ADD3: variants seen among roughly 807,000 people sequenced by gnomAD.
The protein encoded by ADD3 is adducin 3.
ADD3 carries 25 observed loss-of-function variants against 80.2 expected under a neutral mutation model. The observed-to-expected ratio is 0.31, with a 90% CI of 0.23 to 0.44. The LOEUF (loss-of-function observed/expected upper bound fraction) is 0.44, where lower values mean the gene tolerates loss of function less well. Ranked by LOEUF, ADD3 falls within the 20% of genes least tolerant of loss-of-function variation. ADD3 has a pLI of 1.00. For missense variants in ADD3, 829 were observed against 847.5 expected (o/e 0.98, Z 0.27); for synonymous variants, 284 against 289.6 (o/e 0.98, Z 0.20).
chr10:110,002,187 G>A (rs574644671), upstream of ADD3, among the ~76,000 whole-genome samples: 2 of 152,182 alleles, frequency 1.3e-5, no homozygotes, highest in East Asian at 3.9e-4. Context: ...AGCTACTCAG[G>A]AGGCTGAGGC....
chr10:110,126,714 T>C (rs1018715372), intron 12 of ADD3, among the ~76,000 whole-genome samples: 9 of 152,220 alleles, frequency 5.9e-5, no homozygotes, highest in African/African-American at 2.2e-4. Flanking sequence ...CTTTGGTGTT[T>C]CTGGTTAGTT....
At chr10:110,039,616 T>C (rs1034884465) in intron 1 of ADD3, among the ~76,000 whole-genome samples, 3 of 152,248 alleles carry the variant, frequency 2.0e-5, no homozygotes, top group African/African-American at 7.2e-5. Flanking sequence ...TATCTATTGC[T>C]ACATAACAAA....
intron 1 of ADD3, among the ~76,000 whole-genome samples, chr10:110,051,728 C>T (rs1176138346): frequency 1.3e-5 from 2 of 152,330 alleles, no homozygotes; most frequent in East Asian, 1.9e-4. Context: ...AAAAGTAGTT[C>T]TTTCTAGGAA....
chr10:110,007,671 G>A (rs1479904253), upstream of ADD3, among the ~76,000 whole-genome samples: 3 of 152,112 alleles, frequency 2.0e-5, no homozygotes, highest in African/African-American at 7.2e-5. Context: ...CCCGGCTGCC[G>A]GGCCTGCAGG....
At chr10:110,041,208 G>C (rs959834409) in intron 1 of ADD3, among the ~76,000 whole-genome samples, 2 of 152,226 alleles carry the variant, frequency 1.3e-5, no homozygotes, top group African/African-American at 4.8e-5. Context: ...GCACAAGCTA[G>C]AAGTTTGACA....
intron 8 of ADD3, among the ~76,000 whole-genome samples, chr10:110,120,841 C>A (rs1460188041): frequency 6.6e-6 from 1 of 152,054 alleles, no homozygotes; most frequent in Non-Finnish European, 1.5e-5. Context: ...TCAGAAATAA[C>A]GCCACATACC....
chr10:110,098,277 G>A (rs1848411972), intron 1 of ADD3, among the ~76,000 whole-genome samples: 1 of 152,156 alleles, frequency 6.6e-6, no homozygotes, highest in Non-Finnish European at 1.5e-5. Context: ...GAGTTGGATG[G>A]CTAAGGGACT....
chr10:110,008,356 C>A (rs1267068898), intron 1 of ADD3, 57 bp downstream of exon 1: 1 of 152,392 alleles, frequency 6.6e-6, no homozygotes, highest in African/African-American at 2.4e-5. Context: ...GGCCGGGACG[C>A]GGGCACCCGC....
At chr10:110,013,081 G>A (rs369676434) in intron 1 of ADD3, among the ~76,000 whole-genome samples, 29 of 152,132 alleles carry the variant, frequency 1.9e-4, no homozygotes, top group African/African-American at 6.7e-4. Context: ...ACAAGGCTAC[G>A]GTTTTTTTGG....
intron 1 of ADD3, among the ~76,000 whole-genome samples, chr10:110,037,431 C>T (rs995874892): frequency 6.6e-6 from 1 of 151,546 alleles, no homozygotes; most frequent in South Asian, 2.1e-4. Context: ...ATGGTGAAAC[C>T]CCGTCTCTAC....
At chr10:110,129,149 TC>T (rs1457416670) in intron 12 of ADD3, among the ~76,000 whole-genome samples, 2 of 148,470 alleles carry the variant, frequency 1.3e-5, no homozygotes, top group African/African-American at 5.1e-5. Context: ...TTTCTTTCTT[TC>T]TTTTTTTTTT....
At chr10:110,015,652 G>C (rs145560781) in intron 1 of ADD3, among the ~76,000 whole-genome samples, 2,408 of 152,020 alleles carry the variant, frequency 0.016, 67 homozygotes, top group African/African-American at 0.055. Flanking sequence ...GGGATTACAG[G>C]TGTGAGCCAC....
intron 1 of ADD3, among the ~76,000 whole-genome samples, chr10:110,008,783 A>T (rs1851968568): frequency 6.6e-6 from 1 of 152,190 alleles, no homozygotes; most frequent in African/African-American, 2.4e-5. Context: ...TTTAAAAAAA[A>T]TTTTTTTTGT....
At chr10:110,065,760 G>A (rs11592785) in intron 1 of ADD3, among the ~76,000 whole-genome samples, 95,684 of 150,012 alleles carry the variant, frequency 0.64, 36,147 homozygotes, top group Non-Finnish European at 0.83. Context: ...GGCTGGTCTC[G>A]AACTCCTGAC....
chr10:110,046,039 T>A (rs7089029), intron 1 of ADD3, among the ~76,000 whole-genome samples: 12,475 of 152,188 alleles, frequency 0.082, 1,649 homozygotes, highest in African/African-American at 0.28. Context: ...ATGTAAACCT[T>A]GAATAACACC....
At chr10:110,098,879 T>C (rs1057441711) in intron 1 of ADD3, among the ~76,000 whole-genome samples, 1 of 152,002 alleles carries the variant, frequency 6.6e-6, no homozygotes, top group Non-Finnish European at 1.5e-5. Flanking sequence ...TCTGCCCCCT[T>C]GGCCTCCCAA....
intron 10 of ADD3, 164 bp from the exon 11 acceptor site, chr10:110,125,662 T>C (rs970637794): frequency 7.2e-6 from 3 of 417,232 alleles, no homozygotes; most frequent in Non-Finnish European, 1.3e-5. Context: ...TTTTGAGCCT[T>C]TTCTAACTAG....
intron 2 of ADD3, among the ~76,000 whole-genome samples, chr10:110,107,205 G>T (rs1849488360): frequency 6.6e-6 from 1 of 152,090 alleles, no homozygotes. Flanking sequence ...CATACACTAG[G>T]TACCCTAAGT....
At chr10:110,130,159 T>C (rs1852765583) in intron 12 of ADD3, among the ~76,000 whole-genome samples, 1 of 152,224 alleles carries the variant, frequency 6.6e-6, no homozygotes, top group African/African-American at 2.4e-5. Flanking sequence ...CTGGCAATTT[T>C]AGTCCATTGG....
Sources: allele counts gnomAD v4.1 joint callset (sites outside exome capture counted in the v4.1 genomes callset), GRCh38; gene constraint gnomAD v4.1.1; transcripts MANE v1.5; gene names NCBI Gene and HGNC (gene_info 2026-07-23, HGNC 2026-07-21).